The following DOCK9 variants were observed in gnomAD, a reference collection of about 807,000 sequenced individuals.
DOCK9 encodes the protein dedicator of cytokinesis protein 9.
Under a neutral mutation model 263.3 loss-of-function variants are expected in DOCK9, and 89 were observed. The observed-to-expected ratio is 0.34, with a 90% CI of 0.28 to 0.40. The LOEUF is 0.40. Ranked by LOEUF, DOCK9 falls within the 10% of genes least tolerant of loss-of-function variation. The pLI is 1.00. For synonymous variants in DOCK9, 976 were observed against 973.1 expected (o/e 1.00, Z -0.06); for missense variants, 2,140 against 2,603.4 (o/e 0.82, Z 3.87).
chr13:98,897,649 A>G, intron 14 of DOCK9, 39 bp from the exon 15 acceptor site: 2 of 1,606,568 alleles, frequency 1.2e-6, no homozygotes, highest in Non-Finnish European at 1.7e-6. Context: ...TGGGTTTCCA[A>G]AACACCAAAA....
upstream of DOCK9, among the ~76,000 whole-genome samples, chr13:99,087,577 C>T (rs183016928): frequency 1.3e-5 from 2 of 152,298 alleles, no homozygotes; most frequent in Non-Finnish European, 2.9e-5. Flanking sequence ...CCCCAATACC[C>T]TAACCGCTTT....
At chr13:98,809,043 C>G in intron 47 of DOCK9, 1 of 1,493,946 alleles carries the variant, frequency 6.7e-7, no homozygotes, top group Non-Finnish European at 8.9e-7. Flanking sequence ...GATAAACATA[C>G]AGACTTGAAA....
At chr13:99,015,265 T>C (rs1885212809) in intron 1 of DOCK9, among the ~76,000 whole-genome samples, 1 of 152,242 alleles carries the variant, frequency 6.6e-6, no homozygotes, top group Non-Finnish European at 1.5e-5. Flanking sequence ...GATGAATACA[T>C]GGCATTCTCA....
At chr13:98,848,535 A>G in intron 37 of DOCK9, 57 bp downstream of exon 37, 4 of 1,565,778 alleles carry the variant, frequency 2.6e-6, no homozygotes, top group Non-Finnish European at 3.5e-6. Flanking sequence ...ATCCCACACA[A>G]TCAGAGCCAG....
chr13:98,944,759 T>A (rs987598224), intron 2 of DOCK9, among the ~76,000 whole-genome samples: 1 of 152,190 alleles, frequency 6.6e-6, no homozygotes, highest in South Asian at 2.1e-4. Flanking sequence ...GAACCTCACT[T>A]AAGGACAGCG....
chr13:98,978,774 G>A (rs1370316715), upstream of DOCK9, among the ~76,000 whole-genome samples: 1 of 152,204 alleles, frequency 6.6e-6, no homozygotes, highest in Non-Finnish European at 1.5e-5. Context: ...GGCAAGAAGA[G>A]CAGACATCAT....
chr13:98,968,061 G>A (rs1163992375), intron 1 of DOCK9, among the ~76,000 whole-genome samples: 1 of 152,108 alleles, frequency 6.6e-6, no homozygotes, highest in African/African-American at 2.4e-5. Context: ...GAATGTGTAA[G>A]TATAAACCTG....
rs2050556697 is a variant in DOCK9, at chr13:98,914,412, G to A, written c.893-17C>T. ...GTTCATCATCTAAAATGGCAAAACA[G>A]ATTATCGGAATCACTTGTAATTCAT... is the stretch of plus-strand genomic sequence containing the variant. On this transcript the variant is annotated splice_polypyrimidine_tract_variant and intron_variant, in intron 8 of 52. Coordinates refer to ENST00000682017, the MANE Select transcript of DOCK9 (RefSeq NM_001366683.2). 6.3e-7 allele frequency: 1 copy of A among 1,599,206 alleles called. No homozygotes were observed. The highest frequency in any genetic ancestry group is 8.5e-7 in the Non-Finnish European group (1 of 1,172,382).
rs577551942 is a variant in DOCK9 at position 98,977,730 on chromosome 13, A to G, written c.126+54T>C. 13 of 1,581,834 alleles carry G rather than the reference A, an allele frequency of 8.2e-6. No homozygotes were observed. The African/African-American group carries it at 1.3e-4, about 16-fold the overall frequency. On this transcript the variant is annotated intron_variant, in intron 1 of 52. Coordinates refer to ENST00000682017, the MANE Select transcript of DOCK9 (RefSeq NM_001366683.2). Reference sequence around the variant, plus strand: ...GGCGTCAACCCCGTCCACACGCACAATAAGAACCCAGCATTGGGTAGACAC... The same window carrying G: ...GGCGTCAACCCCGTCCACACGCACAGTAAGAACCCAGCATTGGGTAGACAC...
intron 4 of DOCK9, among the ~76,000 whole-genome samples, chr13:98,924,983 G>A (rs1169261988): frequency 2.6e-5 from 4 of 151,964 alleles, no homozygotes; most frequent in Admixed American, 1.3e-4. Context: ...TGGCCAACAC[G>A]GTGAAACCCT....
intron 1 of DOCK9, chr13:99,015,896 C>T: frequency 1.8e-6 from 1 of 569,116 alleles, no homozygotes; most frequent in Non-Finnish European, 2.4e-6. Context: ...CTGATTGCTT[C>T]ACTCTTAATA....
At chr13:98,973,964 C>G (rs1262540639) in intron 1 of DOCK9, among the ~76,000 whole-genome samples, 3 of 152,144 alleles carry the variant, frequency 2.0e-5, no homozygotes, top group Non-Finnish European at 4.4e-5. Flanking sequence ...TCTTCACATC[C>G]TTCAACCTTA....
At chr13:98,959,601 T>C (rs1349658714) in intron 1 of DOCK9, 1 of 152,284 alleles carries the variant, frequency 6.6e-6, no homozygotes, top group Non-Finnish European at 1.5e-5. Flanking sequence ...GCCTCCCTTC[T>C]ACAGGTGTCC....
chr13:98,879,328 T>A (rs1594906124), intron 27 of DOCK9, among the ~76,000 whole-genome samples: 2 of 152,260 alleles, frequency 1.3e-5, no homozygotes, highest in East Asian at 3.9e-4. Flanking sequence ...CACAAGGGGA[T>A]GCTGGGGCAG....
At chr13:98,826,734 C>A in intron 44 of DOCK9, 96 bp downstream of exon 44, 2 of 983,876 alleles carry the variant, frequency 2.0e-6, no homozygotes, top group South Asian at 1.6e-5. Context: ...CACACAAATC[C>A]CCACCTTCCA....
intron 9 of DOCK9, among the ~76,000 whole-genome samples, chr13:98,913,715 G>A (rs143412451): frequency 6.6e-6 from 1 of 152,208 alleles, no homozygotes; most frequent in Non-Finnish European, 1.5e-5. Context: ...TATAACCGAT[G>A]TTTTATATCT....
intron 15 of DOCK9, among the ~76,000 whole-genome samples, chr13:98,895,144 C>T (rs892162221): frequency 6.7e-5 from 3 of 45,086 alleles, no homozygotes; most frequent in Non-Finnish European, 9.9e-5. Context: ...GACTCCATCT[C>T]GGAAAAAAAA....
At chr13:98,810,733 G>A (rs2091225571) in intron 45 of DOCK9, among the ~76,000 whole-genome samples, 1 of 152,204 alleles carries the variant, frequency 6.6e-6, no homozygotes, top group African/African-American at 2.4e-5. Context: ...GTGATGGAGT[G>A]TGGGGGGCAC....
At chr13:98,818,787 A>G (rs545533612) in intron 45 of DOCK9, among the ~76,000 whole-genome samples, 1 of 152,240 alleles carries the variant, frequency 6.6e-6, no homozygotes, top group South Asian at 2.1e-4. Flanking sequence ...CAGTGATGCA[A>G]TTGAAGGCAC....
Sources: allele counts gnomAD v4.1 joint callset (sites outside exome capture counted in the v4.1 genomes callset), GRCh38; gene constraint gnomAD v4.1.1; transcripts MANE v1.5; gene names NCBI Gene and HGNC (gene_info 2026-07-23, HGNC 2026-07-21).